The following NKD2 variants were observed in gnomAD, a reference collection of about 807,000 sequenced individuals.
The protein encoded by NKD2 is protein naked cuticle homolog 2.
Under a neutral mutation model 34.8 loss-of-function variants are expected in NKD2, and 43 were observed. That is an observed-to-expected ratio of 1.24 (90% CI 0.97 to 1.60). The LOEUF (loss-of-function observed/expected upper bound fraction) is 1.60. NKD2 is among the 40% of genes most tolerant of loss of function. The probability of loss-of-function intolerance (pLI) is 0.00; values close to 1 mark genes in which losing one functional copy is unlikely to be tolerated. For synonymous variants in NKD2, 278 were observed against 265.1 expected (o/e 1.05, Z -0.47); for missense variants, 675 against 627.1 (o/e 1.08, Z -0.82).
At chr5:1,033,116 G>A (rs2150746853) in intron 4 of NKD2, among the ~76,000 whole-genome samples, 1 of 152,328 alleles carries the variant, frequency 6.6e-6, no homozygotes. Context: ...CTCGGAGTCT[G>A]CTGCACCCCC....
chr5:1,035,038 G>A lies in NKD2; in HGVS notation c.574+135G>A, dbSNP rs1733792615. 3 of 792,286 alleles carry A rather than the reference G, an allele frequency of 3.8e-6. No homozygotes were observed. In the African/African-American group the frequency reaches 5.2e-5, roughly 14 times the overall value. 49.1% of individuals were successfully genotyped at this position (792,286 alleles called of 1,614,324 possible). A position where few individuals can be genotyped will look rare whatever the true frequency, so the allele number is the denominator to read the frequency against. ...TGAATGGATGGGTGAGTGAGTGAAT[G>A]AGTAAGTGGGTGAGTGAGTGAGAGA... On this transcript the variant is annotated intron_variant, in intron 7 of 9. Coordinates refer to ENST00000296849, the MANE Select transcript of NKD2 (RefSeq NM_033120.4).
intron 9 of NKD2, 118 bp downstream of exon 9, chr5:1,036,502 A>AC (rs1561001277): frequency 1.1e-4 from 6 of 57,044 alleles, no homozygotes; most frequent in Admixed American, 2.7e-4. Context: ...GCCCCCCCCC[A>AC]ACCCCCCCCA....
chr5:1,030,605 G>A (rs192661703), intron 3 of NKD2, among the ~76,000 whole-genome samples: 11 of 152,330 alleles, frequency 7.2e-5, no homozygotes, highest in African/African-American at 1.9e-4. Context: ...TTATGCCAGC[G>A]TCCACCTGGA....
At chr5:1,023,587 A>G (rs71215303) in intron 3 of NKD2, among the ~76,000 whole-genome samples, 2 of 4,412 alleles carry the variant, frequency 4.5e-4, no homozygotes, top group African/African-American at 4.9e-4. Flanking sequence ...GTCCCAGCCC[A>G]TTGTCCCTGC....
rs150049668 is a variant in NKD2, at chr5:1,038,575, G to A, written c.*202G>A. ...CGTGGACAAGGCCCAGGCGCCCTCT[G>A]CTCTTCTGCCCTCGATGCCACATGG... On this transcript the variant is annotated 3_prime_UTR_variant, in exon 10 of 10. Transcript: ENST00000296849. This position sits in a 1 kb window ranked among gnomAD's most constrained non-coding sequence, Gnocchi z 4.5. The A allele has an allele frequency of 4.0e-5, 42 of 1,048,564 alleles. No individual in the cohort carries two copies. In the East Asian group the frequency reaches 9.7e-4, roughly 24 times the overall value. The allele number at this position is 1,048,564 out of a possible 1,614,324, so 65.0% of individuals were successfully genotyped here.
chr5:1,028,514 C>A (rs761916900), intron 3 of NKD2, among the ~76,000 whole-genome samples: 2 of 151,980 alleles, frequency 1.3e-5, no homozygotes, highest in Non-Finnish European at 2.9e-5. Flanking sequence ...GGCCCACGGT[C>A]GGGTTCCTGT....
At chr5:1,029,165 C>T (rs568011057) in intron 3 of NKD2, among the ~76,000 whole-genome samples, 24 of 152,308 alleles carry the variant, frequency 1.6e-4, no homozygotes, top group South Asian at 4.1e-4. Flanking sequence ...CATTTTTTCC[C>T]GTTTGATCCT....
chr5:1,016,734 C>G (rs976249947), intron 3 of NKD2, among the ~76,000 whole-genome samples: 5 of 152,202 alleles, frequency 3.3e-5, no homozygotes, highest in Non-Finnish European at 7.3e-5. Context: ...CGTGGATGTA[C>G]TTCCAGGACG....
chr5:1,035,753 C>G (rs990671921), intron 8 of NKD2: 3 of 488,532 alleles, frequency 6.1e-6, no homozygotes, highest in African/African-American at 5.9e-5. Context: ...CTCACTGTGG[C>G]TCCCTGTGGC....
chr5:1,027,211 G>A (rs549802046), intron 3 of NKD2, among the ~76,000 whole-genome samples: 1 of 152,346 alleles, frequency 6.6e-6, no homozygotes, highest in African/African-American at 2.4e-5. Context: ...CAACAGGGCC[G>A]TCCCCACCAC....
rs766502211 is a variant in NKD2 at position 1,032,210 on chromosome 5, A to C, written c.200A>C (p.Gln67Pro). 1.9e-6 allele frequency: 3 copies of C among 1,608,610 alleles called. No individual in the cohort carries two copies. In the African/African-American group the frequency reaches 4.0e-5, roughly 22 times the overall value. Residue 67 changes from glutamine to proline, a missense_variant and splice_region_variant, in exon 4 of 10, where the codon CAG (glutamine) becomes CCG (proline). Coordinates refer to ENST00000296849, the MANE Select transcript of NKD2 (RefSeq NM_033120.4). ...GPFREDQCPLQVALPAEKAEG... is the reference protein window; with the variant it reads ...GPFREDQCPLPVALPAEKAEG... ...TTCCGGGAGGACCAGTGTCCCCTAC[A>C]GGGTGAGTGCAGCTCCCGCAGCCCT...
chr5:1,029,435 C>T (rs560622733), intron 3 of NKD2, among the ~76,000 whole-genome samples: 29 of 152,186 alleles, frequency 1.9e-4, no homozygotes, highest in South Asian at 4.1e-4. Flanking sequence ...GTTGGTGTAG[C>T]GCGCGGAGCG....
In NKD2 at chr5:1,009,423, G is replaced by T. The variant is rs1432630157; in HGVS notation, c.62-58G>T. 7 of 1,404,138 alleles carry T rather than the reference G, an allele frequency of 5.0e-6. No individual in the cohort carries two copies. In the African/African-American group the frequency reaches 7.5e-5, roughly 15 times the overall value. 87.0% of individuals were successfully genotyped at this position (1,404,138 alleles called of 1,614,324 possible). ...AAGGCGCAGCGCCCGCGGGGCTCACGGCGCGTCTCTTTCCCTCCTCGGTGC... is the reference window on the plus strand; with the variant it reads ...AAGGCGCAGCGCCCGCGGGGCTCACTGCGCGTCTCTTTCCCTCCTCGGTGC... On this transcript the variant is annotated intron_variant, in intron 2 of 9. Transcript: ENST00000296849. This position sits in a 1 kb window ranked among gnomAD's most constrained non-coding sequence, Gnocchi z 6.9.
In NKD2 at chr5:1,038,334, C is replaced by CCACCACGAG. The variant is rs1356502608; in HGVS notation, c.1323_1324insGAGCACCAC (p.His441_His442insGluHisHis). ...ACGAGCACCACCACCACCACGAGCA[C>CCACCACGAG]CACCACCACCACCACCACCACCACT... On this transcript the variant is annotated inframe_insertion, in exon 10 of 10. Transcript: ENST00000296849. This position sits in a 1 kb window ranked among gnomAD's most constrained non-coding sequence, Gnocchi z 4.5. 47 of 1,423,038 alleles carry CCACCACGAG rather than the reference C, an allele frequency of 3.3e-5. No individual in the cohort carries two copies. Among genetic ancestry groups the CCACCACGAG allele is most frequent in the Non-Finnish European group, 4.4e-5 (47 of 1,072,906 alleles). The allele number at this position is 1,423,038 out of a possible 1,614,324, so 88.2% of individuals were successfully genotyped here. A position where few individuals can be genotyped will look rare whatever the true frequency, so the allele number is the denominator to read the frequency against.
chr5:1,017,721 C>T (rs1368460176), intron 3 of NKD2, among the ~76,000 whole-genome samples: 1 of 152,218 alleles, frequency 6.6e-6, no homozygotes, highest in African/African-American at 2.4e-5. Context: ...TTTCTGGATG[C>T]TGGGAGAACC....
At position 1,009,046 on chromosome 5, in the gene NKD2, G is replaced by T. The variant is rs1484012534; in HGVS notation, c.-12G>T. On this transcript the variant is annotated 5_prime_UTR_variant, in exon 1 of 10. Coordinates refer to ENST00000296849, the MANE Select transcript of NKD2 (RefSeq NM_033120.4). The surrounding 1 kb of genome is among the most constrained non-coding windows in gnomAD (Gnocchi z 6.9). ...ACCTGAGCGCGGGGCCCGGCGGGGC[G>T]TGGCGGCGGCGATGGGGAAACTGCA... 2 of 444,882 alleles carry T rather than the reference G, an allele frequency of 4.5e-6. No homozygotes were observed. The highest frequency in any genetic ancestry group is 3.6e-5 in the East Asian group (1 of 27,632). The allele number at this position is 444,882 out of a possible 1,614,324, so 27.6% of individuals were successfully genotyped here.
In NKD2 at chr5:1,034,877, G is replaced by C. The variant is rs1733770443; in HGVS notation, c.548G>C (p.Arg183Thr). 1 of 1,611,844 alleles carries C rather than the reference G, an allele frequency of 6.2e-7. No individual in the cohort carries two copies. The highest frequency in any genetic ancestry group is 8.5e-7 in the Non-Finnish European group (1 of 1,179,502). The change falls in exon 7 of 10, where the codon AGG becomes ACG. Residue 183 changes from arginine (R) to threonine (T), a missense_variant. Arg to Thr is a moderately conservative substitution (Grantham distance 71). Coordinates refer to ENST00000296849, the MANE Select transcript of NKD2 (RefSeq NM_033120.4). Reference sequence around the variant, plus strand: ...GTCAGCCCTGAGCCCTCCAGCAAGAGGAAGGAGGGTCCTCCTGCTGGCCAG... The same window carrying C: ...GTCAGCCCTGAGCCCTCCAGCAAGACGAAGGAGGGTCCTCCTGCTGGCCAG... Reference protein sequence around the residue: ...LTVSPEPSSKRKEGPPAGQDR... With the variant: ...LTVSPEPSSKTKEGPPAGQDR...
chr5:1,016,062 G>A (rs983377997), intron 3 of NKD2, among the ~76,000 whole-genome samples: 11 of 152,236 alleles, frequency 7.2e-5, no homozygotes, highest in African/African-American at 2.7e-4. Flanking sequence ...AGCAGAAGGC[G>A]CGGTGTGTGA....
intron 3 of NKD2, among the ~76,000 whole-genome samples, chr5:1,031,759 C>T (rs1028906964): frequency 3.9e-5 from 6 of 152,266 alleles, no homozygotes; most frequent in East Asian, 1.9e-4. Flanking sequence ...CTGGAGTCCT[C>T]GTGTCAGGCT....
Sources: gnomAD v4.1 joint callset for allele counts (sites outside exome capture counted in the v4.1 genomes callset) on GRCh38, gnomAD v4.1.1 for gene constraint, Gnocchi (gnomAD v3.1) non-coding constraint, MANE v1.5 for transcripts, NCBI Gene and HGNC (gene_info 2026-07-23, HGNC 2026-07-21) for gene names.